Variants in LMX1A observed in about 807,000 individuals in gnomAD.
The protein encoded by LMX1A is LIM homeobox transcription factor 1 alpha.
Under a neutral mutation model 49.1 loss-of-function variants are expected in LMX1A, and 15 were observed. The ratio of observed to expected loss-of-function variants is 0.31; its 90% confidence interval spans 0.20 to 0.47. LMX1A has a LOEUF of 0.47. Ranked by LOEUF, LMX1A falls within the 20% of genes least tolerant of loss-of-function variation. The pLI, the probability that LMX1A is intolerant of heterozygous loss-of-function variation, is 1.00. For synonymous variants in LMX1A, 167 were observed against 185.7 expected, an observed-to-expected ratio of 0.90 and a Z score of 0.82; for missense variants, 372 against 475.8, an observed-to-expected ratio of 0.78 and a Z score of 2.03.
intron 4 of LMX1A, among the ~76,000 whole-genome samples, chr1:165,223,032 T>TG (rs11453955): frequency 0.11 from 16,212 of 151,166 alleles, 943 homozygotes; most frequent in South Asian, 0.2. Context: ...GGTGGTGGGG[T>TG]GGGGGAGTGA....
intron 3 of LMX1A, among the ~76,000 whole-genome samples, chr1:165,283,977 A>G (rs1357958036): frequency 2.0e-5 from 3 of 152,230 alleles, no homozygotes; most frequent in Non-Finnish European, 4.4e-5. Context: ...GGCAGGAGGT[A>G]AAGATACAAA....
At chr1:165,204,132 T>A in intron 8 of LMX1A, 92 bp from the exon 9 acceptor site, 1 of 1,368,818 alleles carries the variant, frequency 7.3e-7, no homozygotes, top group Non-Finnish European at 1.0e-6. Flanking sequence ...AAGTGTTGCC[T>A]GAGCACAGGC....
intron 3 of LMX1A, among the ~76,000 whole-genome samples, chr1:165,262,832 T>A (rs74118536): frequency 0.029 from 4,299 of 145,734 alleles, 188 homozygotes; most frequent in African/African-American, 0.11. Flanking sequence ...AAAAAAAAAA[T>A]TTTAATTACT....
At chr1:165,231,948 G>A (rs1466249042) in intron 4 of LMX1A, among the ~76,000 whole-genome samples, 1 of 152,210 alleles carries the variant, frequency 6.6e-6, no homozygotes, top group Non-Finnish European at 1.5e-5. Flanking sequence ...CACACGGACT[G>A]AAACTAGTGT....
chr1:165,326,237 G>A (rs543204455), intron 3 of LMX1A, among the ~76,000 whole-genome samples: 2 of 152,286 alleles, frequency 1.3e-5, no homozygotes, highest in Admixed American at 1.3e-4. Flanking sequence ...AAGATATTTG[G>A]GTTTTGGACA....
rs189950680 is a variant in LMX1A at position 165,345,020 on chromosome 1, A to G, written c.263+8056T>C. Among the ~76,000 whole-genome samples the G allele has an allele frequency of 1.4e-3, 208 of 152,306 alleles. 2 individuals are homozygous for G. The highest frequency in any genetic ancestry group is 4.6e-3 in the African/African-American group (190 of 41,560). On this transcript the variant is annotated intron_variant, in intron 3 of 8. Transcript: ENST00000342310. ...AGACAGGGGGCCTATTTCTGGGCCCAGGGGGAGCTGGCCTTAATCTGCTGC... is the reference window on the plus strand; with the variant it reads ...AGACAGGGGGCCTATTTCTGGGCCCGGGGGGAGCTGGCCTTAATCTGCTGC...
intron 3 of LMX1A, among the ~76,000 whole-genome samples, chr1:165,250,588 T>C (rs1271594996): frequency 1.3e-5 from 2 of 152,226 alleles, no homozygotes; most frequent in South Asian, 2.1e-4. Flanking sequence ...TTAACTCTTC[T>C]TTCATTTATT....
chr1:165,236,143 A>C (rs1440301254), intron 4 of LMX1A, among the ~76,000 whole-genome samples: 3 of 152,126 alleles, frequency 2.0e-5, no homozygotes, highest in Non-Finnish European at 4.4e-5. Flanking sequence ...GCAGGGGTGT[A>C]ATTCAAACTG....
chr1:165,266,214 A>G (rs564135135), intron 3 of LMX1A, among the ~76,000 whole-genome samples: 21 of 152,344 alleles, frequency 1.4e-4, no homozygotes, highest in African/African-American at 5.1e-4. Flanking sequence ...GAGAAGTGCC[A>G]GGTCTGGAGG....
At chr1:165,340,545 GGT>G (rs1279379193) in intron 3 of LMX1A, among the ~76,000 whole-genome samples, 2 of 152,130 alleles carry the variant, frequency 1.3e-5, no homozygotes, top group Non-Finnish European at 2.9e-5. Flanking sequence ...TTTGAATTCT[GGT>G]GTTCCCCCAC....
At chr1:165,229,144 T>C (rs554829687) in intron 4 of LMX1A, among the ~76,000 whole-genome samples, 1 of 151,446 alleles carries the variant, frequency 6.6e-6, no homozygotes, top group Admixed American at 6.6e-5. Flanking sequence ...AATGTGGCCA[T>C]TTAAACTTTG....
chr1:165,241,544 G>A (rs1652652656), intron 4 of LMX1A, among the ~76,000 whole-genome samples: 1 of 152,192 alleles, frequency 6.6e-6, no homozygotes, highest in Non-Finnish European at 1.5e-5. Flanking sequence ...CACTGCTTGT[G>A]AGTGTAGGGA....
At chr1:165,342,490 C>T (rs1484979719) in intron 3 of LMX1A, among the ~76,000 whole-genome samples, 2 of 151,984 alleles carry the variant, frequency 1.3e-5, no homozygotes, top group African/African-American at 4.8e-5. Context: ...GCCTTTTTGT[C>T]CTTCTTCTGG....
intron 3 of LMX1A, among the ~76,000 whole-genome samples, chr1:165,293,837 T>C (rs986805315): frequency 3.3e-5 from 5 of 152,190 alleles, no homozygotes; most frequent in African/African-American, 1.2e-4. Flanking sequence ...TCAGGCCTCC[T>C]GATCTAATCG....
chr1:165,344,616 G>T (rs1210675907), intron 3 of LMX1A, among the ~76,000 whole-genome samples: 1 of 152,142 alleles, frequency 6.6e-6, no homozygotes, highest in African/African-American at 2.4e-5. Flanking sequence ...TCCACCTCTG[G>T]ACTGTGATGG....
chr1:165,268,814 C>T (rs1653703312), intron 3 of LMX1A, among the ~76,000 whole-genome samples: 1 of 152,268 alleles, frequency 6.6e-6, no homozygotes, highest in Non-Finnish European at 1.5e-5. Context: ...CACAGTTATC[C>T]AGATAGTCAG....
chr1:165,334,943 T>C (rs1186783767), intron 3 of LMX1A, among the ~76,000 whole-genome samples: 1 of 152,188 alleles, frequency 6.6e-6, no homozygotes, highest in Admixed American at 6.5e-5. Context: ...GGAAACTCTG[T>C]CCTAGAGTAT....
intron 3 of LMX1A, among the ~76,000 whole-genome samples, chr1:165,339,794 C>A (rs1357326414): frequency 6.6e-6 from 1 of 152,026 alleles, no homozygotes; most frequent in East Asian, 1.9e-4. Flanking sequence ...CCCAGATGTG[C>A]CCCTCACCCT....
At chr1:165,223,031 G>A (rs960665802) in intron 4 of LMX1A, among the ~76,000 whole-genome samples, 3 of 148,840 alleles carry the variant, frequency 2.0e-5, no homozygotes, top group Admixed American at 6.7e-5. Context: ...TGGTGGTGGG[G>A]TGGGGGAGTG....
Sources: allele counts gnomAD v4.1 joint callset (sites outside exome capture counted in the v4.1 genomes callset), GRCh38; gene constraint gnomAD v4.1.1; transcripts MANE v1.5; gene names NCBI Gene and HGNC (gene_info 2026-07-23, HGNC 2026-07-21).